Variants in ESPN observed in about 807,000 individuals in gnomAD.
ESPN encodes autosomal recessive deafness type 36 protein.
Under a neutral mutation model 77.7 loss-of-function variants are expected in ESPN, and 68 were observed. That is an observed-to-expected ratio of 0.87 (90% CI 0.72 to 1.07). ESPN has a LOEUF of 1.07. Among genes scored for constraint, ESPN ranks in the 50% least tolerant of loss-of-function variants. ESPN has a pLI of 0.00. For missense variants in ESPN, 1,060 were observed against 1,239.0 expected, an observed-to-expected ratio of 0.86 and a Z score of 2.17; for synonymous variants, 449 against 567.1, an observed-to-expected ratio of 0.79 and a Z score of 2.96.
chr1:6,440,511 G>A lies in ESPN; in HGVS notation c.675+71G>A, dbSNP rs1324805428. 8 of 1,201,980 alleles carry A rather than the reference G, an allele frequency of 6.7e-6. No individual in the cohort carries two copies. In the South Asian group the frequency reaches 8.2e-5, roughly 12 times the overall value. 74.5% of individuals were successfully genotyped at this position (1,201,980 alleles called of 1,614,324 possible). ...CGGCAGGGCGGGGAGTGGAGGGAGC[G>A]GGGCCATCAGGGGTGGGGCGGGGGG... On this transcript the variant is annotated intron_variant, in intron 3 of 12. Coordinates refer to ENST00000645284, the MANE Select transcript of ESPN (RefSeq NM_031475.3).
rs1644072916 is a variant in ESPN at position 6,457,273 on chromosome 1, G to A, written c.2405+10G>A. 2 of 1,614,056 alleles carry A rather than the reference G, an allele frequency of 1.2e-6. No individual in the cohort carries two copies. The highest frequency in any genetic ancestry group is 2.7e-5 in the African/African-American group (2 of 74,946). On this transcript the variant is annotated intron_variant, in intron 11 of 12. Transcript: ENST00000645284. ...AGCTGGAAGAAGAGAGGTGAGCTGGGGGTCAGGCAGAGGCTGGCCTGGCAG... is the reference window on the plus strand; with the variant it reads ...AGCTGGAAGAAGAGAGGTGAGCTGGAGGTCAGGCAGAGGCTGGCCTGGCAG...
intron 8 of ESPN, among the ~76,000 whole-genome samples, chr1:6,449,569 G>A (rs1158582406): frequency 3.9e-5 from 6 of 152,206 alleles, no homozygotes; most frequent in African/African-American, 9.6e-5. Flanking sequence ...CTCTCTCCAC[G>A]TCTTTCTCTT....
At chr1:6,456,014 G>A (rs1268844281) in intron 10 of ESPN, 6 of 397,214 alleles carry the variant, frequency 1.5e-5, no homozygotes, top group Non-Finnish European at 2.7e-5. Flanking sequence ...CGCAGCCGCC[G>A]CCGCCGCCCC....
rs771048531 is a variant in ESPN at position 6,460,157 on chromosome 1, C to T, written c.*11C>T. 2 of 1,608,164 alleles carry T rather than the reference C, an allele frequency of 1.2e-6. No individual in the cohort carries two copies. The highest frequency in any genetic ancestry group is 1.7e-6 in the Non-Finnish European group (2 of 1,177,200). On this transcript the variant is annotated 3_prime_UTR_variant, in exon 13 of 13. Transcript: ENST00000645284. The stretch of plus-strand genomic sequence containing the variant: ...ATCGCTAAGTACTAGAGGCCGCAGA[C>T]TCCTGTCCGCAGCCTCGCAGCTCCG...
At chr1:6,430,063 C>A (rs1187838999) in intron 2 of ESPN, among the ~76,000 whole-genome samples, 1 of 152,206 alleles carries the variant, frequency 6.6e-6, no homozygotes, top group Non-Finnish European at 1.5e-5. Context: ...CCCACTTAAC[C>A]TCCTACCTTG....
intron 8 of ESPN, among the ~76,000 whole-genome samples, chr1:6,449,670 G>A (rs1349579306): frequency 6.6e-6 from 1 of 152,244 alleles, no homozygotes; most frequent in Non-Finnish European, 1.5e-5. Flanking sequence ...GGCCAGCCAA[G>A]GCGTGGCTAT....
At position 6,424,970 on chromosome 1, in the gene ESPN, G is replaced by T; in HGVS notation, c.15G>T (p.Gln5His). The stretch of plus-strand genomic sequence containing the variant: ...CACGCGGCACCATGGCCCTGGAGCA[G>T]GCGCTGCAGGCGGCGCGGCAGGGCG... Reference protein sequence around the residue: MALEQALQAARQGEL... With the variant: MALEHALQAARQGEL... The change falls in exon 1 of 13, where the codon CAG (glutamine) becomes CAT (histidine). Residue 5 changes from glutamine to histidine, a missense_variant. Around this residue, in one of 3 missense-constraint regions of ESPN, gnomAD observed 556 missense variants for 633.6 expected, o/e 0.88. Transcript: ENST00000645284. The T allele has an allele frequency of 6.9e-7, 1 of 1,455,654 alleles. No homozygotes were observed. The highest frequency in any genetic ancestry group is 1.3e-5 in the South Asian group (1 of 76,766). 90.2% of individuals were successfully genotyped at this position (1,455,654 alleles called of 1,614,324 possible).
At chr1:6,441,732 G>T (rs950365461) in intron 5 of ESPN, among the ~76,000 whole-genome samples, 113 of 152,306 alleles carry the variant, frequency 7.4e-4, no homozygotes, top group African/African-American at 2.7e-3. Context: ...AGTGGGCCTC[G>T]CAGTCAACCC....
intron 1 of ESPN, among the ~76,000 whole-genome samples, chr1:6,425,797 AG>A (rs1247850665): frequency 6.6e-6 from 1 of 152,216 alleles, no homozygotes; most frequent in Non-Finnish European, 1.5e-5. Context: ...TCTCCAACCC[AG>A]GCTGATTCTT....
At chr1:6,449,148 A>T in intron 8 of ESPN, 57 bp downstream of exon 8, 1 of 1,405,938 alleles carries the variant, frequency 7.1e-7, no homozygotes, top group Non-Finnish European at 9.3e-7. Flanking sequence ...AGGGGAGGGA[A>T]ATCTAGACAC....
At chr1:6,440,476 G>C in intron 3 of ESPN, 36 bp downstream of exon 3, 2 of 1,499,892 alleles carry the variant, frequency 1.3e-6, no homozygotes, top group Non-Finnish European at 8.9e-7. Flanking sequence ...CAGGGGAGGC[G>C]GGGCGGAGCC....
At chr1:6,425,292 C>T in intron 1 of ESPN, 43 bp downstream of exon 1, 1 of 1,553,960 alleles carries the variant, frequency 6.4e-7, no homozygotes. Flanking sequence ...GCTTCCTCCT[C>T]AGGACAGAGT....
chr1:6,448,383 C>T (rs1643887048), intron 7 of ESPN: 1 of 452,650 alleles, frequency 2.2e-6, no homozygotes, highest in Admixed American at 4.5e-5. Flanking sequence ...CTTCTGGCCT[C>T]AGTGGGGGCC....
chr1:6,460,239 G>T lies in ESPN; in HGVS notation c.*93G>T. ...GGCCCTGGTGGAAAGGCTGGGAGCC[G>T]CACAGCCCTCCCCTCCTGCGCTGGA... is the stretch of plus-strand genomic sequence containing the variant. On this transcript the variant is annotated 3_prime_UTR_variant, in exon 13 of 13. Coordinates refer to ENST00000645284, the MANE Select transcript of ESPN (RefSeq NM_031475.3). The T allele has an allele frequency of 1.3e-6, 2 of 1,486,306 alleles. No homozygotes were observed. Among genetic ancestry groups the T allele is most frequent in the Non-Finnish European group, 1.8e-6 (2 of 1,092,564 alleles). The allele number at this position is 1,486,306 out of a possible 1,614,324, so 92.1% of individuals were successfully genotyped here.
chr1:6,430,887 G>T (rs1396641839), intron 2 of ESPN, among the ~76,000 whole-genome samples: 1 of 152,248 alleles, frequency 6.6e-6, no homozygotes, highest in Non-Finnish European at 1.5e-5. Flanking sequence ...GAGTTGGGAG[G>T]ATTGGCCCTC....
chr1:6,452,962 G>A (rs1368092863), intron 10 of ESPN, among the ~76,000 whole-genome samples: 2 of 151,884 alleles, frequency 1.3e-5, no homozygotes, highest in African/African-American at 2.4e-5. Flanking sequence ...GTGCGATCTC[G>A]ACTCACTGCA....
intron 5 of ESPN, among the ~76,000 whole-genome samples, chr1:6,441,736 T>C (rs10864548): frequency 0.3 from 46,060 of 152,160 alleles, 9,577 homozygotes; most frequent in African/African-American, 0.59. Context: ...GGCCTCGCAG[T>C]CAACCCGAAA....
At chr1:6,454,364 C>G (rs1248782642) in intron 10 of ESPN, 12 of 398,368 alleles carry the variant, frequency 3.0e-5, no homozygotes, top group Middle Eastern at 6.2e-4. Flanking sequence ...AAAAGGCTCC[C>G]GGCGCCACGG....
chr1:6,443,533 G>T (rs2148523891), intron 5 of ESPN, among the ~76,000 whole-genome samples: 1 of 152,376 alleles, frequency 6.6e-6, no homozygotes, highest in South Asian at 2.1e-4. Flanking sequence ...CCTGCGGTAG[G>T]CAGCAGGGCC....
Sources: allele counts gnomAD v4.1 joint callset (sites outside exome capture counted in the v4.1 genomes callset), GRCh38; gene constraint gnomAD v4.1.1; regional missense constraint gnomAD v4.1.1; transcripts MANE v1.5; gene names NCBI Gene and HGNC (gene_info 2026-07-23, HGNC 2026-07-21).